The following OXR1 variants were observed in gnomAD, a reference collection of about 807,000 sequenced individuals.
OXR1 encodes oxidation resistance protein 1.
In OXR1, 41 loss-of-function variants were observed where a neutral mutation model predicts 104.6. The ratio of observed to expected loss-of-function variants is 0.39; its 90% confidence interval spans 0.31 to 0.51. The LOEUF is 0.51. Ranked by LOEUF, OXR1 falls within the 20% of genes least tolerant of loss-of-function variation. The pLI is 0.77. For synonymous variants in OXR1, 348 were observed against 348.4 expected (o/e 1.00, Z 0.01); for missense variants, 955 against 1,031.9 (o/e 0.93, Z 1.02).
chr8:106,747,670 A>G (rs1344334621), intron 16 of OXR1, among the ~76,000 whole-genome samples: 1 of 152,220 alleles, frequency 6.6e-6, no homozygotes, highest in Non-Finnish European at 1.5e-5. Flanking sequence ...TGGATATCAC[A>G]TACCTTTTTG....
At chr8:106,319,128 T>C (rs1355063643) in intron 1 of OXR1, among the ~76,000 whole-genome samples, 1 of 152,212 alleles carries the variant, frequency 6.6e-6, no homozygotes, top group East Asian at 1.9e-4. Context: ...AAATATAGCA[T>C]ACCATTTTCT....
At chr8:106,597,563 C>T (rs1411784096) in intron 3 of OXR1, among the ~76,000 whole-genome samples, 1 of 152,074 alleles carries the variant, frequency 6.6e-6, no homozygotes, top group Non-Finnish European at 1.5e-5. Flanking sequence ...TATATTTGTA[C>T]AATAAGGGAA....
At chr8:106,414,125 G>T (rs560014630) in intron 2 of OXR1, among the ~76,000 whole-genome samples, 8 of 152,112 alleles carry the variant, frequency 5.3e-5, no homozygotes, top group African/African-American at 1.9e-4. Context: ...TATAAATAAG[G>T]ATCTAAGGAG....
intron 1 of OXR1, among the ~76,000 whole-genome samples, chr8:106,338,366 A>G (rs1248162854): frequency 5.3e-5 from 8 of 152,034 alleles, no homozygotes; most frequent in African/African-American, 1.9e-4. Context: ...ACCTGAGGTC[A>G]GAGGTGATCA....
chr8:106,363,663 G>T (rs1816342194), intron 2 of OXR1, among the ~76,000 whole-genome samples: 1 of 151,874 alleles, frequency 6.6e-6, no homozygotes, highest in Non-Finnish European at 1.5e-5. Flanking sequence ...TGGATATAGA[G>T]CCACATCATC....
chr8:106,398,156 C>T (rs1021768968), intron 2 of OXR1, among the ~76,000 whole-genome samples: 2 of 152,108 alleles, frequency 1.3e-5, no homozygotes, highest in African/African-American at 4.8e-5. Context: ...CTGTAAAGAT[C>T]CTATTTCCAA....
intron 11 of OXR1, among the ~76,000 whole-genome samples, chr8:106,723,509 A>AAC (rs1238547436): frequency 6.8e-6 from 1 of 146,190 alleles, no homozygotes; most frequent in Non-Finnish European, 1.5e-5. Flanking sequence ...AAAAAAAAAA[A>AAC]AAAAATACAA....
intron 1 of OXR1, among the ~76,000 whole-genome samples, chr8:106,348,916 T>C (rs73701192): frequency 0.032 from 4,855 of 152,268 alleles, 97 homozygotes; most frequent in South Asian, 0.11. Flanking sequence ...GGAATAGTCA[T>C]CAGAGGTTTT....
chr8:106,682,128 C>G (rs1055891625), intron 4 of OXR1, among the ~76,000 whole-genome samples: 1 of 152,094 alleles, frequency 6.6e-6, no homozygotes, highest in Non-Finnish European at 1.5e-5. Flanking sequence ...CTCAAAACTT[C>G]TATTGCATTC....
At chr8:106,671,686 G>A (rs983417096) in intron 3 of OXR1, among the ~76,000 whole-genome samples, 1 of 151,868 alleles carries the variant, frequency 6.6e-6, no homozygotes, top group Non-Finnish European at 1.5e-5. Flanking sequence ...GATGAAGCTG[G>A]AAACCATCAT....
In OXR1 at chr8:106,651,280, T is replaced by C. The variant is rs193042980; in HGVS notation, c.221-27930T>C. 1.1e-4 allele frequency among the ~76,000 whole-genome samples: 16 copies of C among 152,338 alleles called. No individual in the cohort carries two copies. The East Asian group carries it at 2.1e-3, about 20-fold the overall frequency. On this transcript the variant is annotated intron_variant, in intron 3 of 16. Coordinates refer to ENST00000517566, the MANE Select transcript of OXR1 (RefSeq NM_001198533.2). Reference sequence around the variant, plus strand: ...CAGATATTTGCATTCCTCTTATTAGTAATGAAGCAAATTTGTTGTTTATGC... The same window carrying C: ...CAGATATTTGCATTCCTCTTATTAGCAATGAAGCAAATTTGTTGTTTATGC...
chr8:106,580,046 G>A (rs1818123042), intron 3 of OXR1, among the ~76,000 whole-genome samples: 1 of 152,138 alleles, frequency 6.6e-6, no homozygotes, highest in Non-Finnish European at 1.5e-5. Flanking sequence ...TGGCAGCTGT[G>A]ACTCTAAATG....
chr8:106,346,438 A>G (rs940608565), intron 1 of OXR1, among the ~76,000 whole-genome samples: 1 of 152,196 alleles, frequency 6.6e-6, no homozygotes, highest in African/African-American at 2.4e-5. Flanking sequence ...TCAAGGAGTC[A>G]TTGTTTCCAG....
intron 1 of OXR1, among the ~76,000 whole-genome samples, chr8:106,279,765 T>C (rs1365792028): frequency 6.6e-6 from 1 of 152,204 alleles, no homozygotes; most frequent in African/African-American, 2.4e-5. Flanking sequence ...CTCAAAGTTA[T>C]GATGTTGTAA....
intron 2 of OXR1, among the ~76,000 whole-genome samples, chr8:106,379,684 C>T (rs1362833419): frequency 6.6e-6 from 1 of 151,552 alleles, no homozygotes; most frequent in Admixed American, 6.6e-5. Flanking sequence ...ATTACAGATG[C>T]GTGTCATCAC....
chr8:106,340,052 T>G (rs923114084), intron 1 of OXR1, among the ~76,000 whole-genome samples: 4 of 152,146 alleles, frequency 2.6e-5, no homozygotes, highest in African/African-American at 9.7e-5. Flanking sequence ...TGAAAGAATT[T>G]TTATAAGCTT....
intron 3 of OXR1, among the ~76,000 whole-genome samples, chr8:106,564,172 C>CA (rs1161694779): frequency 5.3e-5 from 8 of 151,870 alleles, no homozygotes; most frequent in African/African-American, 1.9e-4. Flanking sequence ...AAAAGCCCTT[C>CA]AAAAAATCAA....
chr8:106,294,414 A>AAAGAG (rs1328456668), intron 1 of OXR1, among the ~76,000 whole-genome samples: 4 of 150,118 alleles, frequency 2.7e-5, no homozygotes, highest in African/African-American at 4.9e-5. Flanking sequence ...AAAAAAAAAA[A>AAAGAG]AGAAAGAAAG....
chr8:106,431,122 T>G (rs1819342792), intron 2 of OXR1, among the ~76,000 whole-genome samples: 1 of 152,180 alleles, frequency 6.6e-6, no homozygotes, highest in African/African-American at 2.4e-5. Context: ...CTGTAAGATA[T>G]GCTGAAGATA....
Sources: allele counts gnomAD v4.1 joint callset (sites outside exome capture counted in the v4.1 genomes callset), GRCh38; gene constraint gnomAD v4.1.1; transcripts MANE v1.5; gene names NCBI Gene and HGNC (gene_info 2026-07-23, HGNC 2026-07-21).